Variants in GALNTL6 observed in about 807,000 individuals in gnomAD.
GALNTL6 encodes the protein polypeptide N-acetylgalactosaminyltransferase-like 6.
A neutral mutation model predicts 73.7 loss-of-function variants in GALNTL6; 46 were observed. That is an observed-to-expected ratio of 0.62 (90% confidence interval 0.49 to 0.80). The LOEUF (loss-of-function observed/expected upper bound fraction) is 0.80. GALNTL6 is among the 30% of genes least tolerant of loss of function. GALNTL6 has a pLI of 0.00. For synonymous variants in GALNTL6, 259 were observed against 263.7 expected, an observed-to-expected ratio of 0.98 and a Z score of 0.17; for missense variants, 604 against 755.0, an observed-to-expected ratio of 0.80 and a Z score of 2.34.
chr4:172,656,582 C>T (rs1242478665), intron 5 of GALNTL6, among the ~76,000 whole-genome samples: 1 of 152,158 alleles, frequency 6.6e-6, no homozygotes, highest in Non-Finnish European at 1.5e-5. Context: ...CCCATGTATG[C>T]AATGACACGG....
intron 2 of GALNTL6, among the ~76,000 whole-genome samples, chr4:172,092,600 AT>A (rs1334398904): frequency 2.0e-5 from 3 of 152,094 alleles, no homozygotes; most frequent in Non-Finnish European, 1.5e-5. Flanking sequence ...CTATAAAAAA[AT>A]AGTCATTCAT....
intron 2 of GALNTL6, among the ~76,000 whole-genome samples, chr4:172,084,928 A>G (rs551107219): frequency 1.6e-4 from 24 of 152,326 alleles, no homozygotes; most frequent in African/African-American, 2.2e-4. Flanking sequence ...TGAAAATTCA[A>G]TCAGCAATTT....
chr4:172,766,385 G>C (rs1450880465), intron 5 of GALNTL6, among the ~76,000 whole-genome samples: 1 of 151,944 alleles, frequency 6.6e-6, no homozygotes, highest in African/African-American at 2.4e-5. Flanking sequence ...GTTGCAAAAA[G>C]TCTTTTTCCC....
intron 3 of GALNTL6, among the ~76,000 whole-genome samples, chr4:172,263,564 T>G (rs901719219): frequency 6.6e-6 from 1 of 151,402 alleles, no homozygotes; most frequent in Non-Finnish European, 1.5e-5. Context: ...TTTTATGATA[T>G]CTCCTTGAGT....
intron 5 of GALNTL6, among the ~76,000 whole-genome samples, chr4:172,633,365 A>T (rs901632013): frequency 6.6e-6 from 1 of 152,354 alleles, no homozygotes; most frequent in South Asian, 2.1e-4. Context: ...TAAGACATGG[A>T]GTCAAAGACA....
intron 5 of GALNTL6, among the ~76,000 whole-genome samples, chr4:172,759,124 CAAG>C (rs1560932670): frequency 6.6e-6 from 1 of 152,198 alleles, no homozygotes. Context: ...CCCACAACCA[CAAG>C]AAGAGGAAGA....
chr4:172,473,421 T>A (rs1464440894), intron 5 of GALNTL6, among the ~76,000 whole-genome samples: 1 of 152,186 alleles, frequency 6.6e-6, no homozygotes, highest in Non-Finnish European at 1.5e-5. Context: ...ATACACTGTT[T>A]TGGATTCTTC....
At chr4:172,559,930 G>A (rs915024597) in intron 5 of GALNTL6, among the ~76,000 whole-genome samples, 2 of 152,092 alleles carry the variant, frequency 1.3e-5, no homozygotes, top group African/African-American at 2.4e-5. Context: ...CTTTACATAA[G>A]AAATAAATTT....
intron 10 of GALNTL6, among the ~76,000 whole-genome samples, chr4:172,997,559 T>C (rs1251383574): frequency 6.6e-6 from 1 of 152,230 alleles, no homozygotes; most frequent in Non-Finnish European, 1.5e-5. Flanking sequence ...TCTCTGTGTC[T>C]ATTTGTGAAA....
intron 2 of GALNTL6, among the ~76,000 whole-genome samples, chr4:171,824,876 C>G (rs1372471681): frequency 6.6e-6 from 1 of 152,074 alleles, no homozygotes; most frequent in Non-Finnish European, 1.5e-5. Context: ...AATAATACGG[C>G]ACTTGTTTCA....
chr4:172,381,404 C>T (rs1399363290), intron 5 of GALNTL6, among the ~76,000 whole-genome samples: 1 of 152,156 alleles, frequency 6.6e-6, no homozygotes, highest in Non-Finnish European at 1.5e-5. Flanking sequence ...AGGAACCCCA[C>T]ACCCAAGAGC....
At chr4:172,934,944 C>T (rs1748529549) in intron 9 of GALNTL6, among the ~76,000 whole-genome samples, 1 of 152,172 alleles carries the variant, frequency 6.6e-6, no homozygotes, top group Admixed American at 6.5e-5. Flanking sequence ...ATTACTGGCA[C>T]CTATGGGGAC....
chr4:172,267,877 G>GA (rs1166713414), intron 3 of GALNTL6, among the ~76,000 whole-genome samples: 2 of 152,064 alleles, frequency 1.3e-5, no homozygotes, highest in Non-Finnish European at 2.9e-5. Context: ...AAGGCATTTG[G>GA]AAAAAATGGC....
intron 2 of GALNTL6, among the ~76,000 whole-genome samples, chr4:171,838,172 G>A (rs992126308): frequency 6.6e-6 from 1 of 151,754 alleles, no homozygotes; most frequent in South Asian, 2.1e-4. Flanking sequence ...TGCCCAGGCT[G>A]ACGTGCAATG....
At chr4:172,348,496 C>T in intron 4 of GALNTL6, 27 bp from the exon 5 acceptor site, 1 of 1,589,592 alleles carries the variant, frequency 6.3e-7, no homozygotes, top group Non-Finnish European at 8.6e-7. Context: ...GTATTTGACA[C>T]ACCATTTTCT....
chr4:172,656,964 G>C (rs1374795730), intron 5 of GALNTL6, among the ~76,000 whole-genome samples: 1 of 152,122 alleles, frequency 6.6e-6, no homozygotes, highest in South Asian at 2.1e-4. Flanking sequence ...TGAGCACAGG[G>C]TAGGGAATTT....
At chr4:172,521,075 A>G (rs1014624587) in intron 5 of GALNTL6, among the ~76,000 whole-genome samples, 1 of 152,104 alleles carries the variant, frequency 6.6e-6, no homozygotes, top group African/African-American at 2.4e-5. Context: ...CTCAGAATTC[A>G]TGTAATTTCA....
intron 4 of GALNTL6, among the ~76,000 whole-genome samples, chr4:172,346,370 C>T (rs956844147): frequency 2.6e-5 from 4 of 152,212 alleles, no homozygotes; most frequent in Admixed American, 6.5e-5. Context: ...CACACAGGCT[C>T]CTATGTCATT....
At chr4:172,030,804 A>G (rs1361739572) in intron 2 of GALNTL6, among the ~76,000 whole-genome samples, 1 of 148,800 alleles carries the variant, frequency 6.7e-6, no homozygotes, top group African/African-American at 2.6e-5. Flanking sequence ...TCACACACAT[A>G]CATACACATA....
Sources: gnomAD v4.1 joint callset for allele counts (sites outside exome capture counted in the v4.1 genomes callset) on GRCh38, gnomAD v4.1.1 for gene constraint, MANE v1.5 for transcripts, NCBI Gene and HGNC (gene_info 2026-07-23, HGNC 2026-07-21) for gene names.